ATXN10: variants seen among roughly 807,000 people sequenced by gnomAD.
The protein encoded by ATXN10 is ataxin-10.
ATXN10 carries 28 observed loss-of-function variants against 52.9 expected under a neutral mutation model. The observed-to-expected ratio is 0.53, with a 90% CI of 0.39 to 0.73. The LOEUF is 0.73. ATXN10 is among the 30% of genes least tolerant of loss of function. ATXN10 has a pLI of 0.00. For synonymous variants in ATXN10, 226 were observed against 221.5 expected (o/e 1.02, Z -0.18); for missense variants, 565 against 577.0 (o/e 0.98, Z 0.21).
chr22:45,739,725 A>G (rs1925436115), intron 8 of ATXN10, among the ~76,000 whole-genome samples: 1 of 152,196 alleles, frequency 6.6e-6, no homozygotes, highest in African/African-American at 2.4e-5. Context: ...TGGGAAAGTG[A>G]TACCTTCCTG....
Position 45,724,701 on chromosome 22 carries a change from A to G in ATXN10, c.729-4724A>G, listed in dbSNP as rs140715541. On this transcript the variant is annotated intron_variant, in intron 6 of 11. Coordinates refer to ENST00000252934, the MANE Select transcript of ATXN10 (RefSeq NM_013236.4). Reference sequence around the variant, plus strand: ...GTCCCATTTATTTAGTTTTTGTTCCATTTGCTTTTGGGATCTTAGTCATAA... The same window carrying G: ...GTCCCATTTATTTAGTTTTTGTTCCGTTTGCTTTTGGGATCTTAGTCATAA... Among the ~76,000 whole-genome samples the G allele has an allele frequency of 2.2e-4, 34 of 152,024 alleles. No individual in the cohort carries two copies. The East Asian group carries it at 6.6e-3, about 29-fold the overall frequency.
At chr22:45,735,796 C>G (rs1256806922) in intron 7 of ATXN10, among the ~76,000 whole-genome samples, 2 of 135,122 alleles carry the variant, frequency 1.5e-5, no homozygotes, top group Non-Finnish European at 3.2e-5. Flanking sequence ...TCACGATGTT[C>G]CCTTCATTTG....
At chr22:45,741,240 G>A (rs1601617344) in intron 9 of ATXN10, among the ~76,000 whole-genome samples, 1 of 152,318 alleles carries the variant, frequency 6.6e-6, no homozygotes, top group East Asian at 1.9e-4. Context: ...ATGTGTGTCT[G>A]CAGTATGACT....
intron 9 of ATXN10, among the ~76,000 whole-genome samples, chr22:45,758,844 A>G (rs6007156): frequency 0.039 from 5,946 of 152,302 alleles, 433 homozygotes; most frequent in African/African-American, 0.14. Flanking sequence ...CTTTATAGCA[A>G]GAATTCTAGT....
At chr22:45,719,447 A>C (rs567846434) in intron 6 of ATXN10, among the ~76,000 whole-genome samples, 1 of 152,284 alleles carries the variant, frequency 6.6e-6, no homozygotes, top group African/African-American at 2.4e-5. Context: ...TTATAAGTCC[A>C]ATTCCAGTGC....
At chr22:45,675,562 A>G (rs985263882) in intron 1 of ATXN10, 3 of 152,258 alleles carry the variant, frequency 2.0e-5, no homozygotes, top group African/African-American at 7.2e-5. Context: ...AAGCATCCAT[A>G]TGCAGAGAGC....
chr22:45,833,366 G>GA lies in ATXN10; in HGVS notation c.1238-9625_1238-9624insA, dbSNP rs1376443718. On this transcript the variant is annotated intron_variant, in intron 10 of 11. Coordinates refer to ENST00000252934, the MANE Select transcript of ATXN10 (RefSeq NM_013236.4). The surrounding 1 kb of genome is among the most constrained non-coding windows in gnomAD (Gnocchi z 4.3). ...AGTGCTACCAGATGCCCAGACACTG[G>GA]TGTGTACAGCATAAGAGCGCTCCTT... 1.3e-5 allele frequency among the ~76,000 whole-genome samples: 2 copies of GA among 152,212 alleles called. No individual in the cohort carries two copies. Among genetic ancestry groups the GA allele is most frequent in the Admixed American group, 6.5e-5 (1 of 15,288 alleles).
intron 9 of ATXN10, among the ~76,000 whole-genome samples, chr22:45,782,742 A>G (rs1399065921): frequency 1.3e-5 from 2 of 152,222 alleles, no homozygotes; most frequent in Non-Finnish European, 2.9e-5. Context: ...AGATTTGTGC[A>G]CTTTACCGTA....
chr22:45,749,604 C>T (rs997501528), intron 9 of ATXN10, among the ~76,000 whole-genome samples: 2 of 151,970 alleles, frequency 1.3e-5, no homozygotes, highest in Admixed American at 1.3e-4. Context: ...CTCTGTTGCT[C>T]AGGCTGGAGT....
chr22:45,671,881 T>C lies in ATXN10; in HGVS notation c.-183T>C, dbSNP rs2146715542. Reference sequence around the variant, plus strand: ...GGCGAGTCTGGGCTCAGCCTAGAGCTCTCCGGCGGCGGCGCAGCTTCAGGG... The same window carrying C: ...GGCGAGTCTGGGCTCAGCCTAGAGCCCTCCGGCGGCGGCGCAGCTTCAGGG... On this transcript the variant is annotated 5_prime_UTR_variant, in exon 1 of 12. Coordinates refer to ENST00000252934, the MANE Select transcript of ATXN10 (RefSeq NM_013236.4). 2 of 625,860 alleles carry C rather than the reference T, an allele frequency of 3.2e-6. No homozygotes were observed. The highest frequency in any genetic ancestry group is 2.0e-5 in the South Asian group (1 of 49,204). 38.8% of individuals were successfully genotyped at this position (625,860 alleles called of 1,614,324 possible).
At chr22:45,815,147 A>T (rs896776728) in intron 10 of ATXN10, among the ~76,000 whole-genome samples, 2 of 152,234 alleles carry the variant, frequency 1.3e-5, no homozygotes, top group Non-Finnish European at 2.9e-5. Flanking sequence ...ATGGAATACC[A>T]TACGGCAGTA....
At chr22:45,800,849 C>A (rs1274556338) in intron 9 of ATXN10, among the ~76,000 whole-genome samples, 2 of 152,178 alleles carry the variant, frequency 1.3e-5, no homozygotes, top group East Asian at 1.9e-4. Context: ...ACAAAATTTA[C>A]CTGTAATGAC....
chr22:45,753,407 T>C (rs1926060955), intron 9 of ATXN10, among the ~76,000 whole-genome samples: 1 of 35,954 alleles, frequency 2.8e-5, no homozygotes, highest in African/African-American at 1.4e-4. Flanking sequence ...TTTTTTTTTT[T>C]TTTTTTTTTT....
rs907369475 is a variant in ATXN10, at chr22:45,770,086, T to A, written c.1173+29548T>A. On this transcript the variant is annotated intron_variant, in intron 9 of 11. Transcript: ENST00000252934. This position sits in a 1 kb window ranked among gnomAD's most constrained non-coding sequence, Gnocchi z 4.5. ...ATGGCTACTGTTTCTTGAGAAATGATTATGTGTCAAGCTCTGTGCTTTCTG... is the reference window on the plus strand; with the variant it reads ...ATGGCTACTGTTTCTTGAGAAATGAATATGTGTCAAGCTCTGTGCTTTCTG... Among the ~76,000 whole-genome samples, 1 of 151,266 alleles carries A rather than the reference T, an allele frequency of 6.6e-6. No individual in the cohort carries two copies. Among genetic ancestry groups the A allele is most frequent in the Non-Finnish European group, 1.5e-5 (1 of 67,750 alleles).
Position 45,819,763 on chromosome 22 carries a change from T to G in ATXN10, c.1237+12741T>G, listed in dbSNP as rs542604699. 6.6e-6 allele frequency among the ~76,000 whole-genome samples: 1 copy of G among 152,246 alleles called. No individual in the cohort carries two copies. The highest frequency in any genetic ancestry group is 2.4e-5 in the African/African-American group (1 of 41,472). Reference sequence around the variant, plus strand: ...GAAGTTAATTATTTGCCAATTTTTCTTTTTGCATTAGATTAATTAAAAACA... The same window carrying G: ...GAAGTTAATTATTTGCCAATTTTTCGTTTTGCATTAGATTAATTAAAAACA... On this transcript the variant is annotated intron_variant, in intron 10 of 11. Coordinates refer to ENST00000252934, the MANE Select transcript of ATXN10 (RefSeq NM_013236.4). The surrounding 1 kb of genome is among the most constrained non-coding windows in gnomAD (Gnocchi z 4.5).
intron 9 of ATXN10, among the ~76,000 whole-genome samples, chr22:45,777,024 T>C (rs1009316457): frequency 6.6e-6 from 1 of 152,226 alleles, no homozygotes; most frequent in Non-Finnish European, 1.5e-5. Context: ...TGAACTTGAA[T>C]GACTTTATGT....
In ATXN10 at chr22:45,775,299, T is replaced by C. The variant is rs144553050; in HGVS notation, c.1174-31660T>C. On this transcript the variant is annotated intron_variant, in intron 9 of 11. Coordinates refer to ENST00000252934, the MANE Select transcript of ATXN10 (RefSeq NM_013236.4). This position sits in a 1 kb window ranked among gnomAD's most constrained non-coding sequence, Gnocchi z 4.7. ...GTGTCCCTGTCCCTGTGTTCACATC[T>C]GGACCTCAACATAGGGCCTGTTAGC... 2.6e-5 allele frequency among the ~76,000 whole-genome samples: 4 copies of C among 152,338 alleles called. No individual in the cohort carries two copies. The highest frequency in any genetic ancestry group is 7.2e-5 in the African/African-American group (3 of 41,586).
At chr22:45,764,086 C>T (rs574015547) in intron 9 of ATXN10, among the ~76,000 whole-genome samples, 11 of 152,332 alleles carry the variant, frequency 7.2e-5, no homozygotes, top group South Asian at 4.1e-4. Context: ...TCCTTCCTCA[C>T]GGTGCACACT....
intron 9 of ATXN10, among the ~76,000 whole-genome samples, chr22:45,776,651 G>T (rs1569060365): frequency 6.6e-6 from 1 of 152,090 alleles, no homozygotes; most frequent in Non-Finnish European, 1.5e-5. Flanking sequence ...TCTGGGGCAA[G>T]AGTAATTGAG....
Sources: gnomAD v4.1 joint callset for allele counts (sites outside exome capture counted in the v4.1 genomes callset) on GRCh38, gnomAD v4.1.1 for gene constraint, Gnocchi (gnomAD v3.1) non-coding constraint, MANE v1.5 for transcripts, NCBI Gene and HGNC (gene_info 2026-07-23, HGNC 2026-07-21) for gene names.